Variants in FRK observed in about 807,000 individuals in gnomAD.
FRK encodes the protein tyrosine-protein kinase FRK.
A neutral mutation model predicts 56.4 loss-of-function variants in FRK; 51 were observed. That is an observed-to-expected ratio of 0.90 (90% CI 0.72 to 1.14). FRK has a LOEUF of 1.14. FRK is among the 50% of genes most tolerant of loss of function. The probability of loss-of-function intolerance (pLI) is 0.00; values close to 1 mark genes in which losing one functional copy is unlikely to be tolerated. For synonymous variants in FRK, 245 were observed against 217.9 expected (o/e 1.12, Z -1.10); for missense variants, 570 against 601.4 (o/e 0.95, Z 0.55).
At chr6:116,029,493 G>A (rs1186859332) in intron 1 of FRK, among the ~76,000 whole-genome samples, 2 of 151,986 alleles carry the variant, frequency 1.3e-5, no homozygotes, top group African/African-American at 4.8e-5. Flanking sequence ...ACCTATTTAG[G>A]TACTGCTTGT....
intron 4 of FRK, among the ~76,000 whole-genome samples, chr6:115,956,846 A>T (rs1773012741): frequency 6.6e-6 from 1 of 152,118 alleles, no homozygotes; most frequent in Non-Finnish European, 1.5e-5. Context: ...AGGTGAAGAG[A>T]GGTTGATTCA....
chr6:115,940,173 C>A lies in FRK; in HGVS notation c.*2241G>T, dbSNP rs958590724. 2.6e-5 allele frequency: 4 copies of A among 152,154 alleles called. No homozygotes were observed. The highest frequency in any genetic ancestry group is 1.5e-5 in the Non-Finnish European group (1 of 68,034). The allele number at this position is 152,154 out of a possible 1,614,324, so 9.4% of individuals were successfully genotyped here. A position where few individuals can be genotyped will look rare whatever the true frequency, so the allele number is the denominator to read the frequency against. The stretch of plus-strand genomic sequence containing the variant: ...CAGAACAGAGGCCTCAGAAATAACA[C>A]CACACATCTACAACCATCTGATCTT... On this transcript the variant is annotated 3_prime_UTR_variant, in exon 8 of 8. Coordinates refer to ENST00000606080, the MANE Select transcript of FRK (RefSeq NM_002031.3).
At chr6:115,986,985 C>T (rs1392923871) in intron 2 of FRK, among the ~76,000 whole-genome samples, 4 of 151,974 alleles carry the variant, frequency 2.6e-5, no homozygotes, top group Non-Finnish European at 5.9e-5. Flanking sequence ...TCACAAATTC[C>T]GGAGAGAAAA....
chr6:115,987,496 C>T (rs1774437629), intron 2 of FRK, among the ~76,000 whole-genome samples: 1 of 152,064 alleles, frequency 6.6e-6, no homozygotes, highest in Non-Finnish European at 1.5e-5. Context: ...CATAAGAAAG[C>T]AATCCTCATT....
At chr6:116,078,273 G>A in the FRK span, among the ~76,000 whole-genome samples, 13 of 151,704 alleles carry the variant, frequency 8.6e-5, no homozygotes, top group African/African-American at 2.7e-4. Context: ...ATTTGTTAGA[G>A]GTGTTTAACT....
At chr6:116,062,160 C>T (rs1295219646), upstream of FRK, among the ~76,000 whole-genome samples, 1 of 152,110 alleles carries the variant, frequency 6.6e-6, no homozygotes, top group African/African-American at 2.4e-5. Context: ...TCCCAAGTTT[C>T]TCCAATTGTC....
chr6:116,093,600 C>A, the FRK span, among the ~76,000 whole-genome samples: 1 of 152,222 alleles, frequency 6.6e-6, no homozygotes, highest in African/African-American at 2.4e-5. Flanking sequence ...TACTGGTCAG[C>A]AAGCCATCCC....
In FRK at chr6:115,945,245, G is replaced by A. The variant is rs529420444; in HGVS notation, c.959-820C>T. On this transcript the variant is annotated intron_variant, in intron 5 of 7. Transcript: ENST00000606080. ...TATATATCCAGTAATGGGATTGCTG[G>A]TCAAATGGTAGGTCTGTTTTGAGAT... Among the ~76,000 whole-genome samples the A allele has an allele frequency of 1.6e-4, 24 of 152,176 alleles. No individual in the cohort carries two copies. In the South Asian group the frequency reaches 4.8e-3, roughly 30 times the overall value.
intron 5 of FRK, among the ~76,000 whole-genome samples, chr6:115,946,045 G>T (rs1772436018): frequency 6.6e-6 from 1 of 152,054 alleles, no homozygotes; most frequent in South Asian, 2.1e-4. Context: ...GGATTTAGCT[G>T]CCATACTGTT....
In FRK at chr6:116,060,315, G is replaced by A. The variant is rs1158888277; in HGVS notation, c.-4C>T. 1 of 1,609,692 alleles carries A rather than the reference G, an allele frequency of 6.2e-7. No homozygotes were observed. On this transcript the variant is annotated 5_prime_UTR_variant, in exon 1 of 8. Transcript: ENST00000606080. ...GCCTCTGACAGATGTTGCTCATTGT[G>A]CCTTGGTGGGGAGAAGAGGAGCAGG...
At chr6:116,094,728 C>A in the FRK span, among the ~76,000 whole-genome samples, 4 of 151,332 alleles carry the variant, frequency 2.6e-5, no homozygotes, top group Non-Finnish European at 4.4e-5. Flanking sequence ...CAGGGAAAGA[C>A]CAGCAGAAAG....
intron 1 of FRK, among the ~76,000 whole-genome samples, chr6:116,026,044 C>A (rs890332414): frequency 1.3e-5 from 2 of 152,124 alleles, no homozygotes; most frequent in African/African-American, 4.8e-5. Context: ...ACCTTAATAT[C>A]TCCTTGACAT....
Position 115,938,824 on chromosome 6 carries a change from T to C in FRK, c.*3590A>G, listed in dbSNP as rs1031942137. On this transcript the variant is annotated 3_prime_UTR_variant, in exon 8 of 8. Coordinates refer to ENST00000606080, the MANE Select transcript of FRK (RefSeq NM_002031.3). Reference sequence around the variant, plus strand: ...ATAACAAGTTCTGAAATTGAGGCAGTAATTAATAGCCTACCAACCAAAAAA... The same window carrying C: ...ATAACAAGTTCTGAAATTGAGGCAGCAATTAATAGCCTACCAACCAAAAAA... 2 of 152,196 alleles carry C rather than the reference T, an allele frequency of 1.3e-5. No individual in the cohort carries two copies. The highest frequency in any genetic ancestry group is 4.8e-5 in the African/African-American group (2 of 41,444). 9.4% of individuals were successfully genotyped at this position (152,196 alleles called of 1,614,324 possible).
intron 1 of FRK, among the ~76,000 whole-genome samples, chr6:116,012,203 C>T (rs749837438): frequency 5.3e-5 from 8 of 152,164 alleles, no homozygotes; most frequent in Non-Finnish European, 7.3e-5. Flanking sequence ...CCCCCTTGCT[C>T]ACACCACCAC....
At chr6:115,996,535 T>G (rs1439463387) in intron 2 of FRK, among the ~76,000 whole-genome samples, 1 of 152,144 alleles carries the variant, frequency 6.6e-6, no homozygotes, top group African/African-American at 2.4e-5. Flanking sequence ...CCTGTCAAGG[T>G]GTGAAATTGT....
chr6:116,063,628 AAGTAT>A (rs1777694263), upstream of FRK, among the ~76,000 whole-genome samples: 1 of 152,202 alleles, frequency 6.6e-6, no homozygotes, highest in South Asian at 2.1e-4. Flanking sequence ...AATAAATGAT[AAGTAT>A]TCCATTCGAG....
chr6:115,994,868 C>T (rs1774776292), intron 2 of FRK, among the ~76,000 whole-genome samples: 1 of 152,056 alleles, frequency 6.6e-6, no homozygotes, highest in Admixed American at 6.6e-5. Flanking sequence ...AAAGCCCACA[C>T]CAGACAACAA....
chr6:115,992,775 C>G (rs1399663947), intron 2 of FRK, among the ~76,000 whole-genome samples: 1 of 151,542 alleles, frequency 6.6e-6, no homozygotes, highest in African/African-American at 2.4e-5. Flanking sequence ...AACGATTAGA[C>G]AAGAAATGGC....
the FRK span, among the ~76,000 whole-genome samples, chr6:116,090,243 G>C: frequency 6.6e-6 from 1 of 152,092 alleles, no homozygotes; most frequent in African/African-American, 2.4e-5. Flanking sequence ...TGAGTTTGGG[G>C]GTCCCAAAGC....
Sources: gnomAD v4.1 joint callset for allele counts (sites outside exome capture counted in the v4.1 genomes callset) on GRCh38, gnomAD v4.1.1 for gene constraint, MANE v1.5 for transcripts, NCBI Gene and HGNC (gene_info 2026-07-23, HGNC 2026-07-21) for gene names.